Variants in C10orf90 observed in about 807,000 individuals in gnomAD.
C10orf90 encodes the protein (E2-independent) E3 ubiquitin-conjugating enzyme FATS.
C10orf90 carries 56 observed loss-of-function variants against 62.5 expected under a neutral mutation model. That is an observed-to-expected ratio of 0.90 (90% CI 0.72 to 1.12). The LOEUF (loss-of-function observed/expected upper bound fraction) is 1.12. C10orf90 is among the 50% of genes most tolerant of loss of function. The pLI, the probability that C10orf90 is intolerant of heterozygous loss-of-function variation, is 0.00. For missense variants in C10orf90, 970 were observed against 880.4 expected, an observed-to-expected ratio of 1.10 and a Z score of -1.29; for synonymous variants, 386 against 340.4, an observed-to-expected ratio of 1.13 and a Z score of -1.47.
At chr10:126,587,440 G>A (rs1429683569) in intron 2 of C10orf90, among the ~76,000 whole-genome samples, 1 of 152,168 alleles carries the variant, frequency 6.6e-6, no homozygotes, top group African/African-American at 2.4e-5. Context: ...ACTTGCCAAT[G>A]GCTGCCTTCT....
chr10:126,608,384 T>G (rs1419924950), intron 2 of C10orf90, among the ~76,000 whole-genome samples: 1 of 152,200 alleles, frequency 6.6e-6, no homozygotes, highest in Non-Finnish European at 1.5e-5. Context: ...AGTGCTGGGA[T>G]TACAGGCTTG....
chr10:126,633,769 A>T (rs1439538779), intron 2 of C10orf90, among the ~76,000 whole-genome samples: 1 of 152,220 alleles, frequency 6.6e-6, no homozygotes, highest in Non-Finnish European at 1.5e-5. Context: ...CACGCAGGAA[A>T]CATAATGCTT....
At chr10:126,626,999 T>C (rs1267390963) in intron 2 of C10orf90, among the ~76,000 whole-genome samples, 3 of 110,112 alleles carry the variant, frequency 2.7e-5, no homozygotes, top group Non-Finnish European at 5.6e-5. Context: ...CTTTTTCTTT[T>C]CTTTTTTTTT....
chr10:126,572,953 C>T (rs1438602146), intron 2 of C10orf90, among the ~76,000 whole-genome samples: 1 of 152,118 alleles, frequency 6.6e-6, no homozygotes, highest in Non-Finnish European at 1.5e-5. Flanking sequence ...AAACAGTCAA[C>T]TCTGTCTATG....
intron 2 of C10orf90, among the ~76,000 whole-genome samples, chr10:126,596,054 G>A (rs897312127): frequency 1.3e-5 from 2 of 150,968 alleles, no homozygotes; most frequent in African/African-American, 2.4e-5. Flanking sequence ...GGTAGGCACC[G>A]ATTTGTCAGA....
intron 2 of C10orf90, among the ~76,000 whole-genome samples, chr10:126,529,402 T>A (rs1043469801): frequency 2.6e-5 from 4 of 152,098 alleles, no homozygotes; most frequent in Middle Eastern, 3.2e-3. Flanking sequence ...TTTCTGATCA[T>A]CAAAAGATTC....
Position 126,425,169 on chromosome 10 carries a change from G to C in C10orf90, c.*695C>G, listed in dbSNP as rs1284356482. ...TTAACAAAAGAACTGTTTTAATGGG[G>C]CGGGGCAGGAGGAGTATTGTAGAAA... On this transcript the variant is annotated 3_prime_UTR_variant, in exon 10 of 10. Coordinates refer to ENST00000488181, the MANE Select transcript of C10orf90 (RefSeq NM_001350921.2). 6.6e-6 allele frequency: 1 copy of C among 152,136 alleles called. No individual in the cohort carries two copies. Among genetic ancestry groups the C allele is most frequent in the Non-Finnish European group, 1.5e-5 (1 of 68,048 alleles). The allele number at this position is 152,136 out of a possible 1,614,324, so 9.4% of individuals were successfully genotyped here.
chr10:126,550,764 C>A (rs11245036), intron 2 of C10orf90, among the ~76,000 whole-genome samples: 48,821 of 152,106 alleles, frequency 0.32, 8,544 homozygotes, highest in Non-Finnish European at 0.38. Context: ...CCTGTTCCAG[C>A]CTCCCAAAAT....
At chr10:126,481,631 G>C (rs1160414148) in intron 4 of C10orf90, among the ~76,000 whole-genome samples, 2 of 152,052 alleles carry the variant, frequency 1.3e-5, no homozygotes, top group Admixed American at 1.3e-4. Flanking sequence ...CCACTAGCTG[G>C]GCCACCATGT....
chr10:126,561,511 T>C (rs1479924748), intron 2 of C10orf90, among the ~76,000 whole-genome samples: 1 of 152,174 alleles, frequency 6.6e-6, no homozygotes, highest in Non-Finnish European at 1.5e-5. Context: ...GCTGAATTCA[T>C]TAAAATTTGC....
intron 7 of C10orf90, among the ~76,000 whole-genome samples, chr10:126,447,927 G>GT (rs1405039181): frequency 6.6e-6 from 1 of 151,254 alleles, no homozygotes; most frequent in Admixed American, 6.6e-5. Context: ...TCTTGGCTCA[G>GT]TGCAACCTCC....
chr10:126,432,108 A>G (rs892257154), intron 7 of C10orf90, among the ~76,000 whole-genome samples: 3 of 152,210 alleles, frequency 2.0e-5, no homozygotes, highest in Admixed American at 2.0e-4. Flanking sequence ...AGCTCATCTG[A>G]TAAATAGCAG....
intron 1 of C10orf90, among the ~76,000 whole-genome samples, chr10:126,651,003 C>T (rs1384558638): frequency 3.3e-5 from 5 of 152,186 alleles, no homozygotes; most frequent in East Asian, 1.9e-4. Flanking sequence ...CATTGATCTA[C>T]GAATTCCATC....
At chr10:126,514,462 A>G (rs1441814465) in intron 2 of C10orf90, among the ~76,000 whole-genome samples, 1 of 152,168 alleles carries the variant, frequency 6.6e-6, no homozygotes, top group Non-Finnish European at 1.5e-5. Context: ...AAAATCCCCC[A>G]CATGTGCCTC....
chr10:126,438,871 C>A (rs1419899772), intron 7 of C10orf90, among the ~76,000 whole-genome samples: 1 of 151,976 alleles, frequency 6.6e-6, no homozygotes, highest in Non-Finnish European at 1.5e-5. Context: ...GCCTGAGAAC[C>A]TATACAACTG....
chr10:126,445,826 T>TATAAAC (rs57867349), intron 7 of C10orf90, among the ~76,000 whole-genome samples: 1 of 144,768 alleles, frequency 6.9e-6, no homozygotes, highest in Non-Finnish European at 1.5e-5. Context: ...TATATATATA[T>TATAAAC]ACAATGGAAT....
At chr10:126,648,853 T>C (rs1311294694) in intron 1 of C10orf90, among the ~76,000 whole-genome samples, 1 of 152,168 alleles carries the variant, frequency 6.6e-6, no homozygotes, top group Non-Finnish European at 1.5e-5. Flanking sequence ...TTAATGTAAC[T>C]CTATCAAGTC....
intron 4 of C10orf90, among the ~76,000 whole-genome samples, chr10:126,502,409 G>A (rs987226054): frequency 6.6e-6 from 1 of 152,222 alleles, no homozygotes; most frequent in African/African-American, 2.4e-5. Flanking sequence ...CCTGCAGGAT[G>A]CAGAATAAAT....
intron 2 of C10orf90, 131 bp downstream of exon 2, chr10:126,646,434 A>C (rs984567458): frequency 7.6e-6 from 2 of 264,674 alleles, no homozygotes; most frequent in African/African-American, 4.6e-5. Context: ...CCACTGAGCT[A>C]TCATCTCACG....
Sources: gnomAD v4.1 joint callset for allele counts (sites outside exome capture counted in the v4.1 genomes callset) on GRCh38, gnomAD v4.1.1 for gene constraint, MANE v1.5 for transcripts, NCBI Gene and HGNC (gene_info 2026-07-23, HGNC 2026-07-21) for gene names.